The following SEZ6 variants were observed in gnomAD, a reference collection of about 807,000 sequenced individuals.
The protein encoded by SEZ6 is seizure related 6 homolog, also known as seizure protein 6 homolog.
A neutral mutation model predicts 101.0 loss-of-function variants in SEZ6; 53 were observed. That is an observed-to-expected ratio of 0.52 (90% CI 0.42 to 0.66). SEZ6 has a LOEUF of 0.66. Among genes scored for constraint, SEZ6 ranks in the 30% least tolerant of loss-of-function variants. SEZ6 has a pLI of 0.00. For missense variants in SEZ6, 1,102 were observed against 1,289.4 expected, an observed-to-expected ratio of 0.85 and a Z score of 2.23; for synonymous variants, 488 against 512.2, an observed-to-expected ratio of 0.95 and a Z score of 0.64.
intron 3 of SEZ6, among the ~76,000 whole-genome samples, chr17:28,974,330 C>T (rs1233429895): frequency 1.3e-5 from 2 of 152,130 alleles, no homozygotes; most frequent in Non-Finnish European, 2.9e-5. Flanking sequence ...CCCCCTCAAA[C>T]GTGTCATGGC....
intron 1 of SEZ6, 90 bp from the exon 2 acceptor site, chr17:28,982,129 T>C (rs2041317051): frequency 6.9e-7 from 1 of 1,455,986 alleles, no homozygotes; most frequent in African/African-American, 1.4e-5. Context: ...CCCGCTCTCT[T>C]TTGACAGACA....
chr17:28,968,868 TGACTTTGTGCTCA>T (rs1389344767), intron 4 of SEZ6, among the ~76,000 whole-genome samples: 1 of 152,218 alleles, frequency 6.6e-6, no homozygotes, highest in Non-Finnish European at 1.5e-5. Flanking sequence ...AGGATCGAGC[TGACTTTGTGCTCA>T]GAGAGGGGGA....
At chr17:28,973,652 G>T (rs1376325624) in intron 3 of SEZ6, among the ~76,000 whole-genome samples, 4 of 152,248 alleles carry the variant, frequency 2.6e-5, no homozygotes, top group African/African-American at 9.6e-5. Context: ...CCTCTTGTGG[G>T]TCTGCTGCAG....
At chr17:28,957,642 G>A (rs2040905562) in intron 11 of SEZ6, 103 bp from the exon 12 acceptor site, 2 of 1,268,876 alleles carry the variant, frequency 1.6e-6, no homozygotes, top group Non-Finnish European at 2.2e-6. Flanking sequence ...CATGTCGTAT[G>A]GGTCTACCCC....
chr17:28,970,379 G>A (rs1249551163), intron 3 of SEZ6, among the ~76,000 whole-genome samples: 2 of 152,126 alleles, frequency 1.3e-5, no homozygotes, highest in Non-Finnish European at 2.9e-5. Context: ...TCAGATCCAT[G>A]TGCCCAGCTT....
Position 28,957,121 on chromosome 17 carries a change from C to T in SEZ6, c.2616G>A (p.Leu872=), listed in dbSNP as rs1227276936. The T allele has an allele frequency of 3.7e-6, 6 of 1,613,764 alleles. No individual in the cohort carries two copies. Among genetic ancestry groups the T allele is most frequent in the Non-Finnish European group, 5.1e-6 (6 of 1,179,834 alleles). ...IHFSCAPGYV[L]KGQASIKCVP... ...CACACTTGATGCTGGCCTGGCCCTT[C>T]AGCACATAGCCAGGGGCACACGAGA... The change falls in exon 13 of 17, where the codon CTG becomes CTA. Residue 872 remains leucine (L), a synonymous_variant. Transcript: ENST00000317338.
At chr17:28,987,492 C>T (rs140769132) in intron 1 of SEZ6, among the ~76,000 whole-genome samples, 31 of 152,320 alleles carry the variant, frequency 2.0e-4, no homozygotes, top group African/African-American at 6.7e-4. Flanking sequence ...TGTCCAGCAC[C>T]TGAGGCAGGT....
rs368887416 is a variant in SEZ6, at chr17:28,962,435, G to A, written c.1241-1462C>T. Among the ~76,000 whole-genome samples, 7 of 152,312 alleles carry A rather than the reference G, an allele frequency of 4.6e-5. 1 individual carries two copies. Among genetic ancestry groups the A allele is most frequent in the East Asian group, 3.9e-4 (2 of 5,188 alleles). On this transcript the variant is annotated intron_variant, in intron 5 of 16. Coordinates refer to ENST00000317338, the MANE Select transcript of SEZ6 (RefSeq NM_178860.5). ...CCTCGAGGGCTGAGAAAGCATCTGT[G>A]TTATTCAACTCTGGTTGTGCCTGGC...
At chr17:28,969,092 G>T (rs2041112298) in intron 4 of SEZ6, among the ~76,000 whole-genome samples, 1 of 152,226 alleles carries the variant, frequency 6.6e-6, no homozygotes, top group African/African-American at 2.4e-5. Flanking sequence ...GGTCAGAGAG[G>T]TCAAATGACT....
At chr17:28,996,641 G>T (rs545030241) in intron 1 of SEZ6, among the ~76,000 whole-genome samples, 1 of 152,164 alleles carries the variant, frequency 6.6e-6, no homozygotes, top group Non-Finnish European at 1.5e-5. Context: ...GTCCTAGGAT[G>T]CAGGGACAGA....
intron 1 of SEZ6, 145 bp from the exon 2 acceptor site, chr17:28,982,184 A>T (rs2041318128): frequency 7.2e-7 from 1 of 1,396,640 alleles, no homozygotes; most frequent in Admixed American, 2.9e-5. Flanking sequence ...GAACTACAGA[A>T]TTTGTGAACT....
chr17:28,999,792 C>T (rs902395181), intron 1 of SEZ6, among the ~76,000 whole-genome samples: 1 of 152,118 alleles, frequency 6.6e-6, no homozygotes, highest in Non-Finnish European at 1.5e-5. Context: ...ATTCACAAAG[C>T]CCTCAAAGGA....
intron 1 of SEZ6, among the ~76,000 whole-genome samples, chr17:29,003,015 A>G (rs891612956): frequency 2.6e-5 from 4 of 152,162 alleles, no homozygotes; most frequent in African/African-American, 9.7e-5. Context: ...CCAAGGTCAC[A>G]CAGCCATGGA....
At chr17:28,984,269 C>A (rs1416523819) in intron 1 of SEZ6, among the ~76,000 whole-genome samples, 2 of 152,102 alleles carry the variant, frequency 1.3e-5, no homozygotes, top group African/African-American at 2.4e-5. Flanking sequence ...TTTTGCCCAC[C>A]CCCCAGACAT....
chr17:28,961,006 C>T (rs1598180879), intron 5 of SEZ6, 33 bp from the exon 6 acceptor site: 2 of 1,589,902 alleles, frequency 1.3e-6, no homozygotes, highest in South Asian at 1.1e-5. Context: ...TAGGCTAGGC[C>T]CCTGCCTGAA....
chr17:28,993,257 G>A (rs1034718235), intron 1 of SEZ6, among the ~76,000 whole-genome samples: 3 of 152,122 alleles, frequency 2.0e-5, no homozygotes, highest in Non-Finnish European at 2.9e-5. Flanking sequence ...CTCCCTGGAG[G>A]CGTTTCTGTC....
Position 28,981,483 on chromosome 17 carries a change from T to C in SEZ6, c.612A>G (p.Ala204=). ...TGATGGTCCCCTGGATCCCGATCCC[T>C]GCGCCCTGGGACACAACCTCTGCAA... The part of the protein sequence containing the change: ...PWVAEVVSQG[A]GIGIQGTITS... Residue 204 remains alanine, a synonymous_variant, in exon 2 of 17, where the codon GCA becomes GCG. Transcript: ENST00000317338. The C allele has an allele frequency of 6.3e-7, 1 of 1,592,226 alleles. No individual in the cohort carries two copies. Among genetic ancestry groups the C allele is most frequent in the Non-Finnish European group, 8.6e-7 (1 of 1,168,902 alleles).
rs1445899512 is a variant in SEZ6 at position 28,963,974 on chromosome 17, G to A, written c.1228C>T (p.Pro410Ser). The A allele has an allele frequency of 6.2e-7, 1 of 1,611,404 alleles. No individual in the cohort carries two copies. The highest frequency in any genetic ancestry group is 8.5e-7 in the Non-Finnish European group (1 of 1,178,796). The change falls in exon 5 of 17, where the codon CCC becomes TCC. Residue 410 changes from proline to serine, a missense_variant. By Grantham distance (74) the Pro-to-Ser change is moderately conservative. This residue lies in a region of SEZ6 where 556 missense variants were observed against 735.1 expected (regional missense o/e 0.76). Coordinates refer to ENST00000317338, the MANE Select transcript of SEZ6 (RefSeq NM_178860.5). ...CCTGGGCACTCACCGATGCAGACGG[G>A]CTCCTTTGAATCCCAGAAGGGCTGG... ...ATQPFWDSKE[P>S]VCIAACGGVI... is the part of the protein sequence containing the mutation.
chr17:28,959,884 G>C lies in SEZ6; in HGVS notation c.1585C>G (p.Gln529Glu). The change falls in exon 8 of 17, where the codon CAG (glutamine) becomes GAG (glutamate). Residue 529 changes from glutamine (Q) to glutamate (E), a missense_variant. Physicochemically the swap from Gln to Glu is conservative, Grantham distance 29 (BLOSUM62 2). Around this residue, in one of 3 missense-constraint regions of SEZ6, gnomAD observed 556 missense variants for 735.1 expected, o/e 0.76. Transcript: ENST00000317338. The surrounding 1 kb of genome is among the most constrained non-coding windows in gnomAD (Gnocchi z 4.4). Reference sequence around the variant, plus strand: ...ACAAAGGGCTCATAGCAATGGCCCTGCTGGAAGGCTGTAAACCACAGGTCC... The same window carrying C: ...ACAAAGGGCTCATAGCAATGGCCCTCCTGGAAGGCTGTAAACCACAGGTCC... Reference protein sequence around the residue: ...GMALRYEAFQQGHCYEPFVKY... With the variant: ...GMALRYEAFQEGHCYEPFVKY... The C allele has an allele frequency of 6.2e-7, 1 of 1,607,490 alleles. No individual in the cohort carries two copies. Among genetic ancestry groups the C allele is most frequent in the South Asian group, 1.1e-5 (1 of 89,920 alleles).
Sources: gnomAD v4.1 joint callset for allele counts (sites outside exome capture counted in the v4.1 genomes callset) on GRCh38, gnomAD v4.1.1 for gene constraint, gnomAD v4.1.1 regional missense constraint, Gnocchi (gnomAD v3.1) non-coding constraint, MANE v1.5 for transcripts, NCBI Gene and HGNC (gene_info 2026-07-23, HGNC 2026-07-21) for gene names.